SPRYD7: variants seen among roughly 807,000 people sequenced by gnomAD.
SPRYD7 encodes SPRY domain-containing protein 7.
SPRYD7 carries 14 observed loss-of-function variants against 23.8 expected under a neutral mutation model. The observed-to-expected ratio is 0.59, with a 90% CI of 0.39 to 0.92. SPRYD7 has a LOEUF of 0.92. Ranked by LOEUF, SPRYD7 falls within the 40% of genes least tolerant of loss-of-function variation. The probability of loss-of-function intolerance (pLI) is 0.00; values close to 1 mark genes in which losing one functional copy is unlikely to be tolerated. For synonymous variants in SPRYD7, 75 were observed against 84.9 expected, an observed-to-expected ratio of 0.88 and a Z score of 0.64; for missense variants, 194 against 241.7, an observed-to-expected ratio of 0.80 and a Z score of 1.31.
chr13:49,919,442 G>T (rs1566401855), intron 4 of SPRYD7, among the ~76,000 whole-genome samples: 1 of 152,150 alleles, frequency 6.6e-6, no homozygotes, highest in Non-Finnish European at 1.5e-5. Context: ...TACTCGGGAG[G>T]CTGAGGCAGG....
At chr13:49,927,493 GAAAAA>G (rs1185971099) in intron 3 of SPRYD7, among the ~76,000 whole-genome samples, 1 of 121,274 alleles carries the variant, frequency 8.2e-6, no homozygotes, top group Non-Finnish European at 1.8e-5. Context: ...GAGACTCTAA[GAAAAA>G]AAAAAAAAAC....
intron 1 of SPRYD7, among the ~76,000 whole-genome samples, chr13:49,931,671 G>C (rs1295539417): frequency 6.6e-6 from 1 of 152,168 alleles, no homozygotes; most frequent in Non-Finnish European, 1.5e-5. Context: ...TAAGCATGCT[G>C]GGTACAGTGG....
chr13:49,919,094 A>G (rs1024372681), intron 4 of SPRYD7, among the ~76,000 whole-genome samples: 11 of 152,108 alleles, frequency 7.2e-5, no homozygotes, highest in Non-Finnish European at 1.3e-4. Context: ...AAAGGCAGAA[A>G]AATCATATAC....
chr13:49,933,577 G>A (rs1871479403), intron 1 of SPRYD7, among the ~76,000 whole-genome samples: 1 of 150,774 alleles, frequency 6.6e-6, no homozygotes, highest in Non-Finnish European at 1.5e-5. Flanking sequence ...ACTCCAGCCT[G>A]GGCGACAGAG....
intron 3 of SPRYD7, among the ~76,000 whole-genome samples, chr13:49,925,513 T>C (rs1371735812): frequency 6.6e-6 from 1 of 151,068 alleles, no homozygotes; most frequent in Non-Finnish European, 1.5e-5. Context: ...CAGAATTATA[T>C]GTATAAGGAG....
chr13:49,933,254 T>C (rs116776337), intron 1 of SPRYD7, among the ~76,000 whole-genome samples: 1,755 of 152,272 alleles, frequency 0.012, 27 homozygotes, highest in African/African-American at 0.04. Flanking sequence ...AACTGCTACA[T>C]GACCTAATCA....
At chr13:49,934,766 C>T (rs1408113996) in intron 1 of SPRYD7, among the ~76,000 whole-genome samples, 4 of 152,098 alleles carry the variant, frequency 2.6e-5, no homozygotes, top group African/African-American at 9.7e-5. Context: ...AAAGAGGAGA[C>T]TGCAGTAATT....
chr13:49,932,409 G>A (rs898222184), intron 1 of SPRYD7, among the ~76,000 whole-genome samples: 2 of 152,148 alleles, frequency 1.3e-5, no homozygotes, highest in Non-Finnish European at 2.9e-5. Flanking sequence ...TAGATGAAAC[G>A]ACATCTATAG....
chr13:49,936,250 C>T lies in SPRYD7; in HGVS notation c.-15G>A, dbSNP rs1451703037. On this transcript the variant is annotated 5_prime_UTR_variant, in exon 1 of 5. Coordinates refer to ENST00000361840, the MANE Select transcript of SPRYD7 (RefSeq NM_020456.4). ...GAGGTGGCCATCGCGCAGGGACCACCGACTCCGCCGCCGTCCCTAGACCGA... is the reference window on the plus strand; with the variant it reads ...GAGGTGGCCATCGCGCAGGGACCACTGACTCCGCCGCCGTCCCTAGACCGA... The T allele has an allele frequency of 6.3e-7, 1 of 1,585,636 alleles. No homozygotes were observed. Among genetic ancestry groups the T allele is most frequent in the Admixed American group, 1.7e-5 (1 of 58,490 alleles).
chr13:49,936,033 GC>G, intron 1 of SPRYD7, 96 bp downstream of exon 1: 2 of 675,504 alleles, frequency 3.0e-6, no homozygotes, highest in East Asian at 3.5e-5. Context: ...CGCCGGCGCG[GC>G]GGGGCAGCGT....
At chr13:49,925,625 C>T (rs1955873979) in intron 3 of SPRYD7, among the ~76,000 whole-genome samples, 1 of 151,788 alleles carries the variant, frequency 6.6e-6, no homozygotes, top group Non-Finnish European at 1.5e-5. Context: ...TCCTGGCTAA[C>T]ACAGTGAAAA....
At chr13:49,928,392 T>G (rs1411356909) in intron 2 of SPRYD7, among the ~76,000 whole-genome samples, 2 of 152,142 alleles carry the variant, frequency 1.3e-5, no homozygotes, top group Non-Finnish European at 2.9e-5. Context: ...CAGTGATCCA[T>G]GATCATTCCA....
rs369386639 is a variant in SPRYD7, at chr13:49,935,796, G to A, written c.106+334C>T. The A allele has an allele frequency of 4.6e-4, 93 of 200,786 alleles. 1 individual carries two copies. Among genetic ancestry groups the A allele is most frequent in the African/African-American group, 1.9e-3 (81 of 43,354 alleles). The allele number at this position is 200,786 out of a possible 1,614,324, so 12.4% of individuals were successfully genotyped here. The stretch of plus-strand genomic sequence containing the variant: ...CTAGAAGCATTCTGAAAATGTGTAG[G>A]TTTTCACTGGGGCGCGCCAGAAGGG... On this transcript the variant is annotated intron_variant, in intron 1 of 4. Coordinates refer to ENST00000361840, the MANE Select transcript of SPRYD7 (RefSeq NM_020456.4).
At chr13:49,933,185 G>C (rs1350916505) in intron 1 of SPRYD7, among the ~76,000 whole-genome samples, 1 of 152,174 alleles carries the variant, frequency 6.6e-6, no homozygotes, top group Non-Finnish European at 1.5e-5. Context: ...TACAACATTT[G>C]ATCTAGGTTA....
At chr13:49,915,258 T>C in intron 4 of SPRYD7, 98 bp from the exon 5 acceptor site, 2 of 489,958 alleles carry the variant, frequency 4.1e-6, no homozygotes, top group African/African-American at 4.0e-5. Context: ...TCCATAATAC[T>C]ACAATATTAA....
At chr13:49,916,233 C>T (rs1351498137) in intron 4 of SPRYD7, among the ~76,000 whole-genome samples, 1 of 152,144 alleles carries the variant, frequency 6.6e-6, no homozygotes, top group Non-Finnish European at 1.5e-5. Context: ...CGGGCTGCAT[C>T]TGGGCCAAGA....
chr13:49,921,820 A>G (rs1025900412), intron 3 of SPRYD7, among the ~76,000 whole-genome samples: 1 of 152,232 alleles, frequency 6.6e-6, no homozygotes, highest in Non-Finnish European at 1.5e-5. Flanking sequence ...AACAGTTTAA[A>G]TCCTAGAATT....
In SPRYD7 at chr13:49,930,212, A is replaced by G. The variant is rs182985571; in HGVS notation, c.223+806T>C. On this transcript the variant is annotated intron_variant, in intron 2 of 4. Transcript: ENST00000361840. ...AAGAAACTCCATAAATTTTAAAAAG[A>G]GAAATATAGACTGCAGACTTCTATC... Among the ~76,000 whole-genome samples, 26 of 152,358 alleles carry G rather than the reference A, an allele frequency of 1.7e-4. No individual in the cohort carries two copies. The East Asian group carries it at 4.8e-3, about 28-fold the overall frequency.
chr13:49,927,040 T>A (rs1050054629), intron 3 of SPRYD7, among the ~76,000 whole-genome samples: 1 of 152,160 alleles, frequency 6.6e-6, no homozygotes, highest in African/African-American at 2.4e-5. Context: ...ACGTGTAACT[T>A]TTACTATCCT....
Sources: gnomAD v4.1 joint callset for allele counts (sites outside exome capture counted in the v4.1 genomes callset) on GRCh38, gnomAD v4.1.1 for gene constraint, MANE v1.5 for transcripts, NCBI Gene and HGNC (gene_info 2026-07-23, HGNC 2026-07-21) for gene names.